KCNB2: variants seen among roughly 807,000 people sequenced by gnomAD.
KCNB2 encodes the protein delayed rectifier potassium channel protein.
A neutral mutation model predicts 61.5 loss-of-function variants in KCNB2; 15 were observed. That is an observed-to-expected ratio of 0.24 (90% CI 0.16 to 0.38). KCNB2 has a LOEUF of 0.38. Ranked by LOEUF, KCNB2 falls within the 10% of genes least tolerant of loss-of-function variation. The pLI, the probability that KCNB2 is intolerant of heterozygous loss-of-function variation, is 1.00. For synonymous variants in KCNB2, 457 were observed against 446.0 expected (o/e 1.02, Z -0.31); for missense variants, 828 against 1,125.2 (o/e 0.74, Z 3.78).
intron 2 of KCNB2, among the ~76,000 whole-genome samples, chr8:72,624,975 C>A (rs2128984505): frequency 6.6e-6 from 1 of 152,320 alleles, no homozygotes; most frequent in African/African-American, 2.4e-5. Flanking sequence ...TAGAAGTCCT[C>A]AAGATCACAT....
chr8:72,652,175 C>T (rs1806221009), intron 2 of KCNB2, among the ~76,000 whole-genome samples: 1 of 152,160 alleles, frequency 6.6e-6, no homozygotes. Flanking sequence ...GCAAAATCAA[C>T]TGCTAGAATA....
intron 2 of KCNB2, among the ~76,000 whole-genome samples, chr8:72,869,427 A>G (rs1304245408): frequency 1.3e-5 from 2 of 152,192 alleles, no homozygotes; most frequent in African/African-American, 4.8e-5. Context: ...AATAGGAGAA[A>G]ATATTTGCAA....
At chr8:72,611,094 A>G (rs1426677351) in intron 2 of KCNB2, among the ~76,000 whole-genome samples, 2 of 152,174 alleles carry the variant, frequency 1.3e-5, no homozygotes, top group Admixed American at 1.3e-4. Flanking sequence ...TGTAGGGAGT[A>G]GGGAGCACTG....
intron 2 of KCNB2, among the ~76,000 whole-genome samples, chr8:72,662,183 TG>T (rs1391441518): frequency 6.6e-6 from 1 of 152,196 alleles, no homozygotes; most frequent in Non-Finnish European, 1.5e-5. Flanking sequence ...CTCAGGGCTC[TG>T]GCAGCACTAC....
chr8:72,886,558 T>A (rs1805809910), intron 2 of KCNB2, among the ~76,000 whole-genome samples: 1 of 152,188 alleles, frequency 6.6e-6, no homozygotes, highest in Non-Finnish European at 1.5e-5. Context: ...GTCCTCACCA[T>A]CTACACTCTG....
At chr8:72,600,500 G>A (rs1050480384) in intron 2 of KCNB2, among the ~76,000 whole-genome samples, 4 of 151,922 alleles carry the variant, frequency 2.6e-5, no homozygotes, top group East Asian at 3.9e-4. Context: ...GCTAAATGAC[G>A]AGTTAATGGG....
intron 2 of KCNB2, among the ~76,000 whole-genome samples, chr8:72,837,827 C>A (rs1809806579): frequency 2.6e-5 from 1 of 38,652 alleles, no homozygotes; most frequent in Non-Finnish European, 1.2e-4. Context: ...TAACTTCAAT[C>A]CTTTTTTTAA....
At chr8:72,589,774 G>A (rs557324981) in intron 2 of KCNB2, among the ~76,000 whole-genome samples, 37 of 152,278 alleles carry the variant, frequency 2.4e-4, no homozygotes, top group Non-Finnish European at 4.1e-4. Flanking sequence ...GAGAAATTGC[G>A]TATCAGTTGC....
chr8:72,935,809 C>T (rs1806892213), intron 2 of KCNB2, 126 bp from the exon 3 acceptor site: 1 of 710,360 alleles, frequency 1.4e-6, no homozygotes, highest in South Asian at 1.8e-5. Flanking sequence ...GTAAAATTAC[C>T]TTCTTATAAT....
At chr8:72,640,972 C>T (rs1287777212) in intron 2 of KCNB2, among the ~76,000 whole-genome samples, 1 of 152,084 alleles carries the variant, frequency 6.6e-6, no homozygotes, top group East Asian at 1.9e-4. Context: ...AGTATTCATA[C>T]TATGCACATC....
intron 2 of KCNB2, among the ~76,000 whole-genome samples, chr8:72,911,654 T>C (rs960707388): frequency 1.3e-5 from 2 of 152,216 alleles, no homozygotes; most frequent in East Asian, 3.9e-4. Context: ...ATCATCTCAA[T>C]GGGCTGACTT....
At chr8:72,911,531 T>G in intron 2 of KCNB2, among the ~76,000 whole-genome samples, 1 of 152,218 alleles carries the variant, frequency 6.6e-6, no homozygotes, top group East Asian at 1.9e-4. Context: ...GACTGTACCA[T>G]GACATCATTG....
intron 2 of KCNB2, among the ~76,000 whole-genome samples, chr8:72,871,765 T>A (rs1263057884): frequency 6.6e-6 from 1 of 152,252 alleles, no homozygotes; most frequent in Non-Finnish European, 1.5e-5. Context: ...ATGATTTAAA[T>A]GGATAAATTG....
At chr8:72,620,781 T>G (rs568925560) in intron 2 of KCNB2, among the ~76,000 whole-genome samples, 1 of 152,160 alleles carries the variant, frequency 6.6e-6, no homozygotes, top group East Asian at 1.9e-4. Flanking sequence ...GCTAATTTCG[T>G]GTTTTTAGTA....
chr8:72,762,878 A>G (rs1003458009), intron 2 of KCNB2, among the ~76,000 whole-genome samples: 1 of 94,898 alleles, frequency 1.1e-5, no homozygotes, highest in African/African-American at 4.6e-5. Flanking sequence ...AAATCATATT[A>G]ACAAATATAT....
chr8:72,871,263 G>A (rs1681069232), intron 2 of KCNB2, among the ~76,000 whole-genome samples: 1 of 152,120 alleles, frequency 6.6e-6, no homozygotes, highest in Non-Finnish European at 1.5e-5. Context: ...TGTAGAGAAG[G>A]GAAGTATATA....
chr8:72,659,872 A>G (rs190661247), intron 2 of KCNB2, among the ~76,000 whole-genome samples: 2,056 of 152,308 alleles, frequency 0.013, 48 homozygotes, highest in African/African-American at 0.046. Context: ...TAGTGTAAAC[A>G]TAACTCTTTT....
intron 2 of KCNB2, among the ~76,000 whole-genome samples, chr8:72,725,385 T>C (rs1585854662): frequency 6.6e-6 from 1 of 151,584 alleles, no homozygotes; most frequent in South Asian, 2.1e-4. Flanking sequence ...GAAAGTCAAA[T>C]TCAATCTAGC....
At chr8:72,555,369 T>C (rs1423192573) in intron 1 of KCNB2, among the ~76,000 whole-genome samples, 2 of 151,732 alleles carry the variant, frequency 1.3e-5, no homozygotes, top group Non-Finnish European at 2.9e-5. Context: ...CTCTTTCAGA[T>C]ACAACTCTAA....
Sources: allele counts gnomAD v4.1 joint callset (sites outside exome capture counted in the v4.1 genomes callset), GRCh38; gene constraint gnomAD v4.1.1; transcripts MANE v1.5; gene names NCBI Gene and HGNC (gene_info 2026-07-23, HGNC 2026-07-21).